Variants in CTNNA3 observed in about 807,000 individuals in gnomAD.
CTNNA3 encodes catenin alpha-3.
CTNNA3 carries 76 observed loss-of-function variants against 95.7 expected under a neutral mutation model. The observed-to-expected ratio is 0.79, with a 90% confidence interval of 0.66 to 0.96. The LOEUF (loss-of-function observed/expected upper bound fraction) is 0.96. Among genes scored for constraint, CTNNA3 ranks in the 40% least tolerant of loss-of-function variants. CTNNA3 has a pLI of 0.00. For missense variants in CTNNA3, 1,191 were observed against 1,089.8 expected (o/e 1.09, Z -1.31); for synonymous variants, 431 against 374.4 (o/e 1.15, Z -1.74).
chr10:67,445,689 A>G (rs1167362180), intron 5 of CTNNA3, among the ~76,000 whole-genome samples: 1 of 152,172 alleles, frequency 6.6e-6, no homozygotes, highest in African/African-American at 2.4e-5. Context: ...AAGCAATACC[A>G]CTATTCAGCA....
chr10:67,611,507 A>G (rs1027275431), intron 2 of CTNNA3, among the ~76,000 whole-genome samples: 20 of 151,772 alleles, frequency 1.3e-4, no homozygotes, highest in Non-Finnish European at 2.1e-4. Flanking sequence ...TAGTAGAGAC[A>G]GGGTTTCACC....
At chr10:67,443,194 G>A (rs916757324) in intron 5 of CTNNA3, among the ~76,000 whole-genome samples, 16 of 149,750 alleles carry the variant, frequency 1.1e-4, no homozygotes, top group East Asian at 5.9e-4. Context: ...CCAGTCTATC[G>A]TTGTTGGACA....
intron 7 of CTNNA3, among the ~76,000 whole-genome samples, chr10:67,162,236 GT>G (rs774160154): frequency 1.9e-4 from 29 of 151,948 alleles, no homozygotes; most frequent in Non-Finnish European, 3.1e-4. Context: ...AGTTTTTCAA[GT>G]TTTCAAATTT....
chr10:67,676,862 T>A (rs1840544525), intron 1 of CTNNA3, among the ~76,000 whole-genome samples: 1 of 152,118 alleles, frequency 6.6e-6, no homozygotes, highest in Non-Finnish European at 1.5e-5. Flanking sequence ...GGCCTTCCAG[T>A]CAGTTACACA....
In CTNNA3 at chr10:67,391,456, T is replaced by C. The variant is rs560039190; in HGVS notation, c.579+130386A>G. The stretch of plus-strand genomic sequence containing the variant: ...CCACGCTCATGGGTAGGAAAATCAA[T>C]ATCGTGAAAATGGCCATACTGCCCA... On this transcript the variant is annotated intron_variant, in intron 5 of 17. Coordinates refer to ENST00000433211, the MANE Select transcript of CTNNA3 (RefSeq NM_013266.4). 2.0e-5 allele frequency among the ~76,000 whole-genome samples: 3 copies of C among 152,264 alleles called. No homozygotes were observed. The South Asian group carries it at 6.2e-4, about 32-fold the overall frequency.
At chr10:67,153,848 C>T (rs1481464402) in intron 7 of CTNNA3, among the ~76,000 whole-genome samples, 2 of 151,796 alleles carry the variant, frequency 1.3e-5, no homozygotes, top group Non-Finnish European at 1.5e-5. Flanking sequence ...TTCATAGGTA[C>T]ACTATTTAAA....
chr10:66,110,550 G>A (rs753524384), intron 13 of CTNNA3, among the ~76,000 whole-genome samples: 1 of 151,764 alleles, frequency 6.6e-6, no homozygotes, highest in Non-Finnish European at 1.5e-5. Flanking sequence ...ATACTATTTA[G>A]CCTTTAAAAA....
At chr10:67,186,978 T>C (rs1164111783) in intron 6 of CTNNA3, among the ~76,000 whole-genome samples, 2 of 152,236 alleles carry the variant, frequency 1.3e-5, no homozygotes, top group Non-Finnish European at 2.9e-5. Context: ...TCCTGGCGCA[T>C]AGCTATAAAC....
At chr10:67,351,487 G>A (rs1037005270) in intron 5 of CTNNA3, among the ~76,000 whole-genome samples, 1 of 151,810 alleles carries the variant, frequency 6.6e-6, no homozygotes, top group Non-Finnish European at 1.5e-5. Context: ...AAAAGATAAT[G>A]TAACTGAGTA....
At chr10:66,682,231 G>A (rs1489165561) in intron 9 of CTNNA3, among the ~76,000 whole-genome samples, 2 of 152,100 alleles carry the variant, frequency 1.3e-5, no homozygotes, top group African/African-American at 2.4e-5. Flanking sequence ...TTTCTGTGTT[G>A]GGAGAGCTTT....
At chr10:66,981,365 C>CA (rs1850430348) in intron 7 of CTNNA3, among the ~76,000 whole-genome samples, 1 of 152,220 alleles carries the variant, frequency 6.6e-6, no homozygotes, top group South Asian at 2.1e-4. Context: ...TTCATCAGCT[C>CA]ACTCAGGCAT....
At chr10:67,488,672 C>CTTTTTTTTTT (rs565227051) in intron 5 of CTNNA3, among the ~76,000 whole-genome samples, 2 of 130,774 alleles carry the variant, frequency 1.5e-5, no homozygotes, top group Non-Finnish European at 1.6e-5. Flanking sequence ...TGCCCGGCCT[C>CTTTTTTTTTT]TTTTTTTTTT....
chr10:66,572,565 C>CAA (rs767209768), intron 10 of CTNNA3, among the ~76,000 whole-genome samples: 1 of 130,932 alleles, frequency 7.6e-6, no homozygotes. Flanking sequence ...GGCCAGGACT[C>CAA]AAAAAAAAAA....
intron 13 of CTNNA3, among the ~76,000 whole-genome samples, chr10:66,131,688 G>A (rs1046413969): frequency 6.6e-6 from 1 of 152,050 alleles, no homozygotes; most frequent in African/African-American, 2.4e-5. Flanking sequence ...CATGATACTG[G>A]TACAAAAACA....
At position 66,785,188 on chromosome 10, in the gene CTNNA3, G is replaced by T. The variant is rs531942840; in HGVS notation, c.1048-9664C>A. Among the ~76,000 whole-genome samples the T allele has an allele frequency of 7.9e-5, 12 of 152,286 alleles. No individual in the cohort carries two copies. In the South Asian group the frequency reaches 2.5e-3, roughly 32 times the overall value. ...GGATTTCATAAATAAGCAGTCAGCT[G>T]CAGAAGAAGATATCACTCACATTAA... On this transcript the variant is annotated intron_variant, in intron 7 of 17. Coordinates refer to ENST00000433211, the MANE Select transcript of CTNNA3 (RefSeq NM_013266.4).
chr10:66,513,466 C>A (rs1840732231), intron 11 of CTNNA3, among the ~76,000 whole-genome samples: 1 of 152,164 alleles, frequency 6.6e-6, no homozygotes, highest in Non-Finnish European at 1.5e-5. Flanking sequence ...TCCAGGCAAG[C>A]AGTCCTTGGA....
chr10:66,653,018 A>G (rs1386021070), intron 9 of CTNNA3, among the ~76,000 whole-genome samples: 2 of 152,150 alleles, frequency 1.3e-5, no homozygotes, highest in African/African-American at 4.8e-5. Context: ...TGACAAATCC[A>G]TGGCTAATAT....
At chr10:67,072,441 C>T (rs767127885) in intron 7 of CTNNA3, among the ~76,000 whole-genome samples, 17 of 152,134 alleles carry the variant, frequency 1.1e-4, no homozygotes, top group Non-Finnish European at 2.1e-4. Context: ...TGTCTACGTA[C>T]TCTTTTATTG....
At chr10:66,272,312 A>C (rs958399701) in intron 13 of CTNNA3, among the ~76,000 whole-genome samples, 9 of 152,144 alleles carry the variant, frequency 5.9e-5, no homozygotes, top group Non-Finnish European at 1.3e-4. Flanking sequence ...ACTTAGATGA[A>C]CTTAGGAAAT....
Sources: allele counts gnomAD v4.1 joint callset (sites outside exome capture counted in the v4.1 genomes callset), GRCh38; gene constraint gnomAD v4.1.1; transcripts MANE v1.5; gene names NCBI Gene and HGNC (gene_info 2026-07-23, HGNC 2026-07-21).